Variants in EXOC1L observed in about 807,000 individuals in gnomAD.
EXOC1L encodes exocyst complex component 1-like.
Under a neutral mutation model 4.9 loss-of-function variants are expected in EXOC1L, and 10 were observed. The ratio of observed to expected loss-of-function variants is 2.02; its 90% confidence interval spans 1.25 to 3.43. EXOC1L has a LOEUF of 3.43. Among genes scored for constraint, EXOC1L ranks in the 30% most tolerant of loss-of-function variants. The probability of loss-of-function intolerance (pLI) is 0.00; values close to 1 mark genes in which losing one functional copy is unlikely to be tolerated. For synonymous variants in EXOC1L, 41 were observed against 20.8 expected (o/e 1.97, Z -2.63); for missense variants, 114 against 59.4 (o/e 1.92, Z -3.02).
chr4:55,827,403 G>A (rs1264634574), intron 1 of EXOC1L, among the ~76,000 whole-genome samples: 2 of 152,116 alleles, frequency 1.3e-5, no homozygotes, highest in East Asian at 1.9e-4. Context: ...CTTCCTCCAC[G>A]TTCCTCAATT....
intron 2 of EXOC1L, among the ~76,000 whole-genome samples, chr4:55,835,644 G>T (rs2110286526): frequency 6.6e-6 from 1 of 151,986 alleles, no homozygotes; most frequent in African/African-American, 2.4e-5. Flanking sequence ...TTGGCCATTT[G>T]TATATCTTCT....
intron 1 of EXOC1L, among the ~76,000 whole-genome samples, chr4:55,829,087 C>A (rs1383714100): frequency 6.6e-6 from 1 of 152,164 alleles, no homozygotes; most frequent in Non-Finnish European, 1.5e-5. Context: ...GTTTGGTTTT[C>A]ATCCAGTGTT....
intron 1 of EXOC1L, among the ~76,000 whole-genome samples, chr4:55,828,381 G>A (rs1009682137): frequency 3.9e-5 from 6 of 152,208 alleles, no homozygotes; most frequent in African/African-American, 9.6e-5. Context: ...GGGACTTAAC[G>A]GGATTGTCTC....
intron 1 of EXOC1L, among the ~76,000 whole-genome samples, chr4:55,829,422 A>C (rs987984595): frequency 6.6e-6 from 1 of 152,202 alleles, no homozygotes; most frequent in Non-Finnish European, 1.5e-5. Context: ...CAGAATGTCC[A>C]GTGCCAGAAC....
At chr4:55,834,323 G>A (rs1019320005) in intron 2 of EXOC1L, among the ~76,000 whole-genome samples, 6 of 151,798 alleles carry the variant, frequency 4.0e-5, no homozygotes, top group Non-Finnish European at 8.8e-5. Flanking sequence ...TTGAGATCTT[G>A]GGTTTTGTCC....
intron 1 of EXOC1L, among the ~76,000 whole-genome samples, chr4:55,820,767 C>T (rs1288185117): frequency 6.6e-6 from 1 of 152,152 alleles, no homozygotes. Flanking sequence ...AAGAGGATGT[C>T]CTCCAAACTG....
At chr4:55,825,042 A>T (rs1719846401) in intron 1 of EXOC1L, among the ~76,000 whole-genome samples, 2 of 152,216 alleles carry the variant, frequency 1.3e-5, no homozygotes. Context: ...GGAAGTATTT[A>T]AAATTTTTCA....
intron 1 of EXOC1L, among the ~76,000 whole-genome samples, chr4:55,828,597 C>T (rs576570432): frequency 2.6e-5 from 4 of 152,178 alleles, no homozygotes; most frequent in South Asian, 4.2e-4. Flanking sequence ...TTTGAGAGGC[C>T]GAGGCAGGAG....
chr4:55,833,842 T>C (rs553940894), intron 2 of EXOC1L, among the ~76,000 whole-genome samples: 57 of 151,924 alleles, frequency 3.8e-4, no homozygotes, highest in Non-Finnish European at 7.5e-4. Flanking sequence ...TTATCTTTCA[T>C]AGTGAACAAG....
chr4:55,832,196 G>T (rs1720054206), intron 2 of EXOC1L, among the ~76,000 whole-genome samples: 1 of 152,014 alleles, frequency 6.6e-6, no homozygotes, highest in South Asian at 2.1e-4. Context: ...GGGTTACTCT[G>T]AATTCCCTCT....
Position 55,837,440 on chromosome 4 carries a change from A to C in EXOC1L, c.*89A>C, listed in dbSNP as rs1359006944. ...GTCATAATTTTGTTTTTCCTTCATC[A>C]GTGATTATTATAATTTAAATAAAAA... On this transcript the variant is annotated 3_prime_UTR_variant, in exon 3 of 3. Transcript: ENST00000636125. 2.3e-5 allele frequency: 10 copies of C among 438,318 alleles called. No homozygotes were observed. The highest frequency in any genetic ancestry group is 3.6e-5 in the Non-Finnish European group (9 of 248,272). The allele number at this position is 438,318 out of a possible 1,614,324, so 27.2% of individuals were successfully genotyped here. A position where few individuals can be genotyped will look rare whatever the true frequency, so the allele number is the denominator to read the frequency against.
At chr4:55,823,902 T>G (rs1439539070) in intron 1 of EXOC1L, among the ~76,000 whole-genome samples, 1 of 152,172 alleles carries the variant, frequency 6.6e-6, no homozygotes, top group East Asian at 1.9e-4. Flanking sequence ...ATGAATAGAT[T>G]TGGTTCTGCG....
intron 1 of EXOC1L, among the ~76,000 whole-genome samples, chr4:55,828,809 C>T (rs1267579567): frequency 6.6e-6 from 1 of 152,182 alleles, no homozygotes; most frequent in Non-Finnish European, 1.5e-5. Context: ...TGCCACTGTA[C>T]TCCAGCTTGG....
chr4:55,831,268 G>C (rs1020006446), intron 1 of EXOC1L, 66 bp from the exon 2 acceptor site: 3 of 501,588 alleles, frequency 6.0e-6, no homozygotes, highest in Non-Finnish European at 1.0e-5. Flanking sequence ...ATACCAAAAA[G>C]TATGACTTGA....
chr4:55,825,404 G>A (rs1453397106), intron 1 of EXOC1L, among the ~76,000 whole-genome samples: 1 of 152,120 alleles, frequency 6.6e-6, no homozygotes, highest in Non-Finnish European at 1.5e-5. Context: ...GCCACATCTA[G>A]GCATGATAAA....
intron 1 of EXOC1L, among the ~76,000 whole-genome samples, chr4:55,825,109 G>A (rs529707514): frequency 6.6e-6 from 1 of 152,326 alleles, no homozygotes; most frequent in East Asian, 1.9e-4. Context: ...AGGCATGCCT[G>A]CTGAGTGTCA....
rs529284303 is a variant in EXOC1L at position 55,822,912 on chromosome 4, T to C, written c.121+2765T>C. Among the ~76,000 whole-genome samples the C allele has an allele frequency of 2.0e-5, 3 of 151,932 alleles. No homozygotes were observed. The South Asian group carries it at 6.2e-4, about 32-fold the overall frequency. ...AAAAAATAATTTATCATTAAAAATA[T>C]GCTGAAATATATGTGTATATATGTA... is the stretch of plus-strand genomic sequence containing the variant. On this transcript the variant is annotated intron_variant, in intron 1 of 2. Transcript: ENST00000636125.
chr4:55,821,931 G>A (rs1424142047), intron 1 of EXOC1L, among the ~76,000 whole-genome samples: 1 of 152,176 alleles, frequency 6.6e-6, no homozygotes, highest in South Asian at 2.1e-4. Flanking sequence ...ATAAGTCAGC[G>A]TGTTGCTTGA....
intron 2 of EXOC1L, among the ~76,000 whole-genome samples, chr4:55,835,736 T>C (rs1454060576): frequency 6.6e-6 from 1 of 152,076 alleles, no homozygotes; most frequent in Non-Finnish European, 1.5e-5. Context: ...TTTGAGTTCC[T>C]TGTAGATTCT....
Sources: allele counts gnomAD v4.1 joint callset (sites outside exome capture counted in the v4.1 genomes callset), GRCh38; gene constraint gnomAD v4.1.1; transcripts MANE v1.5; gene names NCBI Gene and HGNC (gene_info 2026-07-23, HGNC 2026-07-21).